The following RAB30 variants were observed in gnomAD, a reference collection of about 807,000 sequenced individuals.
RAB30 encodes the protein RAB30, member RAS oncogene family.
RAB30 carries 9 observed loss-of-function variants against 25.1 expected under a neutral mutation model. The observed-to-expected ratio is 0.36, with a 90% CI of 0.22 to 0.63. The LOEUF (loss-of-function observed/expected upper bound fraction) is 0.63, where lower values mean the gene tolerates loss of function less well. Ranked by LOEUF, RAB30 falls within the 20% of genes least tolerant of loss-of-function variation. RAB30 has a pLI of 0.69. For missense variants in RAB30, 140 were observed against 243.5 expected (o/e 0.58, Z 2.83); for synonymous variants, 77 against 86.4 (o/e 0.89, Z 0.60).
At chr11:83,020,003 A>T (rs11233423) in intron 1 of RAB30, among the ~76,000 whole-genome samples, 5,461 of 152,362 alleles carry the variant, frequency 0.036, 138 homozygotes, top group Non-Finnish European at 0.057. Flanking sequence ...AGGCGTGGCC[A>T]GGACTGCATG....
At chr11:83,014,662 G>GAA (rs1206851435) in intron 1 of RAB30, among the ~76,000 whole-genome samples, 1 of 144,278 alleles carries the variant, frequency 6.9e-6, no homozygotes, top group Admixed American at 7.0e-5. Flanking sequence ...AAGAAAGAAA[G>GAA]AAAGAAAGAA....
rs1268868364 is a variant in RAB30, at chr11:82,992,266, C to A, written c.177+1773G>T. 3 of 456,018 alleles carry A rather than the reference C, an allele frequency of 6.6e-6. No individual in the cohort carries two copies. In the Admixed American group the frequency reaches 7.0e-5, roughly 11 times the overall value. 28.2% of individuals were successfully genotyped at this position (456,018 alleles called of 1,614,324 possible). Reference sequence around the variant, plus strand: ...AGCCTAGCTCCTTCTTCCCACCCCCCACACTATTTTTGTTCACTTTTTAGT... The same window carrying A: ...AGCCTAGCTCCTTCTTCCCACCCCCAACACTATTTTTGTTCACTTTTTAGT... On this transcript the variant is annotated intron_variant, in intron 3 of 4. Coordinates refer to ENST00000527633, the MANE Select transcript of RAB30 (RefSeq NM_001286060.2).
At chr11:82,989,866 C>T (rs759558118) in intron 3 of RAB30, among the ~76,000 whole-genome samples, 2 of 152,220 alleles carry the variant, frequency 1.3e-5, no homozygotes, top group Non-Finnish European at 2.9e-5. Flanking sequence ...TTGCGCCTTT[C>T]GGCATCTATA....
chr11:82,982,422 C>T lies in RAB30; in HGVS notation c.362-7G>A. On this transcript the variant is annotated splice_polypyrimidine_tract_variant and splice_region_variant and intron_variant, in intron 4 of 4. Transcript: ENST00000527633. ...GCCAGGTCAATCTTGTTGCCTATAA[C>T]AGTAGTAAAATCAAATAAAGAATCA... The T allele has an allele frequency of 2.5e-6, 4 of 1,610,562 alleles. No individual in the cohort carries two copies. Among genetic ancestry groups the T allele is most frequent in the Non-Finnish European group, 3.4e-6 (4 of 1,178,692 alleles).
At chr11:83,052,035 A>G (rs1008937095) in intron 1 of RAB30, among the ~76,000 whole-genome samples, 1 of 152,206 alleles carries the variant, frequency 6.6e-6, no homozygotes, top group African/African-American at 2.4e-5. Context: ...AATAAACAGG[A>G]GAATGATGCC....
At chr11:83,022,309 G>T (rs1197080878) in intron 1 of RAB30, among the ~76,000 whole-genome samples, 1 of 152,100 alleles carries the variant, frequency 6.6e-6, no homozygotes, top group Admixed American at 6.6e-5. Context: ...ACAAGCACAT[G>T]CCACCACACT....
chr11:82,995,080 T>C (rs999334153), intron 2 of RAB30, among the ~76,000 whole-genome samples: 2 of 152,036 alleles, frequency 1.3e-5, no homozygotes, highest in African/African-American at 4.8e-5. Context: ...AGGGAGGGAG[T>C]TGGGAGTAGC....
rs1275023767 is a variant in RAB30, at chr11:82,987,587, C to A, written c.361G>T (p.Gly121Cys). The change falls in exon 4 of 5, where the codon GGC becomes TGC. Residue 121 changes from glycine (G) to cysteine (C), a missense_variant and splice_region_variant. Coordinates refer to ENST00000527633, the MANE Select transcript of RAB30 (RefSeq NM_001286060.2). Reference protein sequence around the residue: ...ASNKVITVLVGNKIDLAERRE... With the variant: ...ASNKVITVLVCNKIDLAERRE... ...TCCCTCCTCGTTAGCCCTTACTTAC[C>A]CACTAACACAGTGATGACCTTGTTG... 5 of 1,603,794 alleles carry A rather than the reference C, an allele frequency of 3.1e-6. No individual in the cohort carries two copies. Among genetic ancestry groups the A allele is most frequent in the Non-Finnish European group, 4.3e-6 (5 of 1,173,794 alleles).
At chr11:83,054,495 C>T (rs774132135) in intron 1 of RAB30, among the ~76,000 whole-genome samples, 27 of 152,192 alleles carry the variant, frequency 1.8e-4, no homozygotes, top group Admixed American at 7.9e-4. Context: ...CTTCATTTCA[C>T]AGACAAGAAA....
chr11:82,994,817 A>C (rs1565270107), intron 2 of RAB30, among the ~76,000 whole-genome samples: 1 of 152,196 alleles, frequency 6.6e-6, no homozygotes, highest in Non-Finnish European at 1.5e-5. Flanking sequence ...TTAAGTCATC[A>C]AGGAGACAGT....
Position 82,982,048 on chromosome 11 carries a change from A to G in RAB30, c.*117T>C. On this transcript the variant is annotated 3_prime_UTR_variant, in exon 5 of 5. Transcript: ENST00000527633. ...GCCTGCCATGCTTTGTAAGCTCAGG[A>G]GCCCACAGGAGTCAGAAGGTCAGAG... The G allele has an allele frequency of 2.2e-6, 3 of 1,392,132 alleles. No homozygotes were observed. Among genetic ancestry groups the G allele is most frequent in the Non-Finnish European group, 3.0e-6 (3 of 1,014,184 alleles). 86.2% of individuals were successfully genotyped at this position (1,392,132 alleles called of 1,614,324 possible). A position where few individuals can be genotyped will look rare whatever the true frequency, so the allele number is the denominator to read the frequency against.
intron 1 of RAB30, among the ~76,000 whole-genome samples, chr11:83,029,687 T>TA (rs1857807523): frequency 6.6e-6 from 1 of 152,332 alleles, no homozygotes; most frequent in East Asian, 1.9e-4. Flanking sequence ...TGAATAAAAG[T>TA]AACAGTAATT....
chr11:83,007,740 G>C (rs1160510331), intron 1 of RAB30, among the ~76,000 whole-genome samples: 1 of 152,192 alleles, frequency 6.6e-6, no homozygotes, highest in Admixed American at 6.5e-5. Flanking sequence ...CAGCACCTGG[G>C]AGCAGGTGCT....
intron 1 of RAB30, among the ~76,000 whole-genome samples, chr11:83,025,818 A>T (rs1319440886): frequency 6.6e-6 from 1 of 152,224 alleles, no homozygotes; most frequent in East Asian, 1.9e-4. Context: ...TTGTTCTTAA[A>T]AAATTGAAAA....
chr11:83,025,013 C>T (rs1004495902), intron 1 of RAB30, among the ~76,000 whole-genome samples: 2 of 152,178 alleles, frequency 1.3e-5, no homozygotes, highest in South Asian at 2.1e-4. Flanking sequence ...TTTGTTTGAA[C>T]GCTAGTAAGT....
intron 1 of RAB30, among the ~76,000 whole-genome samples, chr11:83,050,229 C>G (rs1029471432): frequency 1.3e-5 from 2 of 152,070 alleles, no homozygotes; most frequent in South Asian, 4.2e-4. Context: ...GCACTCCAAC[C>G]TGGGCAACAG....
rs11601610 is a variant in RAB30, at chr11:82,981,480, C to A, written c.*685G>T. On this transcript the variant is annotated 3_prime_UTR_variant, in exon 5 of 5. Transcript: ENST00000527633. ...CCCATTTTTTTATTTCTATATAACA[C>A]ATTTAAGGACATTAATGTACTAAAA... The A allele has an allele frequency of 0.066, 10,024 of 152,478 alleles. 441 individuals carry two copies. Among genetic ancestry groups the A allele is most frequent in the Non-Finnish European group, 0.095 (6,455 of 67,962 alleles). 9.4% of individuals were successfully genotyped at this position (152,478 alleles called of 1,614,324 possible). A position where few individuals can be genotyped will look rare whatever the true frequency, so the allele number is the denominator to read the frequency against.
intron 1 of RAB30, among the ~76,000 whole-genome samples, chr11:83,000,298 T>A (rs1857049877): frequency 6.6e-6 from 1 of 152,208 alleles, no homozygotes; most frequent in Non-Finnish European, 1.5e-5. Context: ...AATTACATGA[T>A]GAAGGCAAGC....
At chr11:83,054,688 C>G (rs747129469) in intron 1 of RAB30, among the ~76,000 whole-genome samples, 3 of 149,200 alleles carry the variant, frequency 2.0e-5, no homozygotes, top group Non-Finnish European at 3.0e-5. Context: ...GAATGAGACC[C>G]TGTGTCTACG....
Sources: allele counts gnomAD v4.1 joint callset (sites outside exome capture counted in the v4.1 genomes callset), GRCh38; gene constraint gnomAD v4.1.1; transcripts MANE v1.5; gene names NCBI Gene and HGNC (gene_info 2026-07-23, HGNC 2026-07-21).